DSCAM: variants seen among roughly 807,000 people sequenced by gnomAD.
DSCAM encodes DS cell adhesion molecule.
A neutral mutation model predicts 217.7 loss-of-function variants in DSCAM; 47 were observed. That is an observed-to-expected ratio of 0.22 (90% CI 0.17 to 0.28). The LOEUF (loss-of-function observed/expected upper bound fraction) is 0.28. DSCAM is among the 10% of genes least tolerant of loss of function. The pLI is 1.00. For missense variants in DSCAM, 2,080 were observed against 2,618.3 expected (o/e 0.79, Z 4.49); for synonymous variants, 1,056 against 1,015.3 (o/e 1.04, Z -0.76).
rs535381679 is a variant in DSCAM at position 40,199,468 on chromosome 21, T to C, written c.2357-10230A>G. Among the ~76,000 whole-genome samples the C allele has an allele frequency of 1.3e-3, 198 of 152,344 alleles. 1 individual carries two copies. The highest frequency in any genetic ancestry group is 4.4e-3 in the African/African-American group (183 of 41,574). On this transcript the variant is annotated intron_variant, in intron 11 of 32. Coordinates refer to ENST00000400454, the MANE Select transcript of DSCAM (RefSeq NM_001389.5). ...CTGCAGCAATAAACATAAGTGTGCATGTGTCTTTATTGTAGAATGAGTTAT... is the reference window on the plus strand; with the variant it reads ...CTGCAGCAATAAACATAAGTGTGCACGTGTCTTTATTGTAGAATGAGTTAT...
chr21:40,588,219 G>C (rs975193115), intron 3 of DSCAM, among the ~76,000 whole-genome samples: 3 of 152,086 alleles, frequency 2.0e-5, no homozygotes, highest in Non-Finnish European at 4.4e-5. Context: ...ACTTACAATT[G>C]CATTACCTAC....
chr21:40,146,544 G>A (rs2837457), intron 16 of DSCAM, among the ~76,000 whole-genome samples: 142,852 of 152,218 alleles, frequency 0.94, 67,534 homozygotes, highest in Non-Finnish European at 0.99. Context: ...GTCATTAGTA[G>A]TAAGTCTGAC....
intron 3 of DSCAM, among the ~76,000 whole-genome samples, chr21:40,377,675 C>T (rs189138405): frequency 6.6e-6 from 1 of 151,796 alleles, no homozygotes; most frequent in Non-Finnish European, 1.5e-5. Flanking sequence ...TTCATGAGAA[C>T]TGAAGTTTAG....
At chr21:40,208,063 T>G (rs2091144943) in intron 11 of DSCAM, among the ~76,000 whole-genome samples, 1 of 152,212 alleles carries the variant, frequency 6.6e-6, no homozygotes, top group South Asian at 2.1e-4. Context: ...TAGTTCCTAA[T>G]AATACCTATA....
intron 8 of DSCAM, among the ~76,000 whole-genome samples, chr21:40,318,127 T>C (rs890209176): frequency 8.1e-5 from 11 of 135,802 alleles, no homozygotes; most frequent in Admixed American, 1.8e-4. Flanking sequence ...TAGATGGGAA[T>C]TGAACAATGA....
intron 32 of DSCAM, among the ~76,000 whole-genome samples, chr21:40,040,434 T>C (rs2088724715): frequency 6.6e-6 from 1 of 152,170 alleles, no homozygotes; most frequent in East Asian, 1.9e-4. Flanking sequence ...GGACAGTCTT[T>C]TAACCTAGAA....
At chr21:40,113,735 T>G (rs998527982) in intron 20 of DSCAM, among the ~76,000 whole-genome samples, 9 of 152,154 alleles carry the variant, frequency 5.9e-5, no homozygotes, top group African/African-American at 2.2e-4. Flanking sequence ...AAAATCAATG[T>G]GCAAAAATCA....
rs566097724 is a variant in DSCAM at position 40,327,589 on chromosome 21, T to C, written c.1783+10512A>G. Among the ~76,000 whole-genome samples the C allele has an allele frequency of 4.8e-4, 73 of 152,096 alleles. No homozygotes were observed. The South Asian group carries it at 6.2e-3, about 13-fold the overall frequency. ...CTGAGACTTCCAGTGACATGTTGAATGGAAGTGGCAAGAGTGTGCATCTTT... is the reference window on the plus strand; with the variant it reads ...CTGAGACTTCCAGTGACATGTTGAACGGAAGTGGCAAGAGTGTGCATCTTT... On this transcript the variant is annotated intron_variant, in intron 8 of 32. Coordinates refer to ENST00000400454, the MANE Select transcript of DSCAM (RefSeq NM_001389.5).
chr21:40,454,898 G>A (rs2075751044), intron 3 of DSCAM, among the ~76,000 whole-genome samples: 1 of 152,168 alleles, frequency 6.6e-6, no homozygotes. Context: ...CACAAGAATG[G>A]GTGAGGCAGA....
At chr21:40,190,187 A>G (rs1174324236) in intron 11 of DSCAM, among the ~76,000 whole-genome samples, 1 of 152,174 alleles carries the variant, frequency 6.6e-6, no homozygotes, top group Non-Finnish European at 1.5e-5. Flanking sequence ...TTCCCACATC[A>G]AAATTAAAAG....
intron 3 of DSCAM, among the ~76,000 whole-genome samples, chr21:40,579,206 A>C (rs1041428601): frequency 6.6e-6 from 1 of 152,162 alleles, no homozygotes; most frequent in Non-Finnish European, 1.5e-5. Context: ...TGAAAGCAAC[A>C]ATACATATGA....
chr21:40,790,815 G>C (rs1234432518), intron 1 of DSCAM, among the ~76,000 whole-genome samples: 1 of 152,176 alleles, frequency 6.6e-6, no homozygotes, highest in Non-Finnish European at 1.5e-5. Flanking sequence ...ATTCCACTCA[G>C]ATTTGTTATT....
At chr21:40,106,726 C>A (rs1275248535) in intron 20 of DSCAM, among the ~76,000 whole-genome samples, 1 of 152,184 alleles carries the variant, frequency 6.6e-6, no homozygotes, top group South Asian at 2.1e-4. Flanking sequence ...GGAATTTATC[C>A]ATTTCTTCTA....
At chr21:40,031,302 C>CTACAGATG (rs2088519679) in intron 32 of DSCAM, among the ~76,000 whole-genome samples, 1 of 142,310 alleles carries the variant, frequency 7.0e-6, no homozygotes, top group East Asian at 2.6e-4. Context: ...GATTCCAGCT[C>CTACAGATG]TACAGATGAC....
At chr21:40,346,232 G>A (rs778648211) in intron 6 of DSCAM, among the ~76,000 whole-genome samples, 14 of 152,098 alleles carry the variant, frequency 9.2e-5, no homozygotes, top group Non-Finnish European at 1.6e-4. Flanking sequence ...ATTATTATAC[G>A]GAACACAGTG....
intron 3 of DSCAM, among the ~76,000 whole-genome samples, chr21:40,494,687 A>G (rs1023429135): frequency 4.6e-5 from 7 of 152,108 alleles, no homozygotes; most frequent in Non-Finnish European, 1.0e-4. Context: ...ACCTAAAGTT[A>G]CACTTCAAGG....
intron 1 of DSCAM, among the ~76,000 whole-genome samples, chr21:40,761,741 C>T (rs2091337659): frequency 6.6e-6 from 1 of 152,186 alleles, no homozygotes; most frequent in Admixed American, 6.5e-5. Flanking sequence ...AAGAACTTAT[C>T]AGAAGAGTAC....
chr21:40,654,519 T>TA (rs1291548688), intron 3 of DSCAM, among the ~76,000 whole-genome samples: 6 of 152,228 alleles, frequency 3.9e-5, no homozygotes, highest in Non-Finnish European at 8.8e-5. Context: ...CCTCATGCTT[T>TA]AGAGATCAAA....
chr21:40,223,910 A>T (rs573992485), intron 11 of DSCAM, among the ~76,000 whole-genome samples: 49 of 152,298 alleles, frequency 3.2e-4, no homozygotes, highest in African/African-American at 1.2e-3. Context: ...ATCAGGAAGG[A>T]TGGAGAGCTT....
Sources: allele counts gnomAD v4.1 joint callset (sites outside exome capture counted in the v4.1 genomes callset), GRCh38; gene constraint gnomAD v4.1.1; transcripts MANE v1.5; gene names NCBI Gene and HGNC (gene_info 2026-07-23, HGNC 2026-07-21).